Variants in MIS18A observed in about 807,000 individuals in gnomAD.
MIS18A encodes the protein protein Mis18-alpha.
MIS18A carries 14 observed loss-of-function variants against 25.0 expected under a neutral mutation model. The ratio of observed to expected loss-of-function variants is 0.56; its 90% confidence interval spans 0.37 to 0.88. MIS18A has a LOEUF of 0.88. Among genes scored for constraint, MIS18A ranks in the 40% least tolerant of loss-of-function variants. The pLI is 0.00. For synonymous variants in MIS18A, 134 were observed against 118.6 expected (o/e 1.13, Z -0.84); for missense variants, 292 against 290.8 (o/e 1.00, Z -0.03).
At chr21:32,267,616 A>C (rs1164068790), downstream of MIS18A, among the ~76,000 whole-genome samples, 1 of 152,238 alleles carries the variant, frequency 6.6e-6, no homozygotes, top group Non-Finnish European at 1.5e-5. Flanking sequence ...TTTGGAATGG[A>C]ATCTGAAAAT....
chr21:32,253,397 A>AC, the MIS18A span, among the ~76,000 whole-genome samples: 82 of 70,528 alleles, frequency 1.2e-3, no homozygotes, highest in Middle Eastern at 0.039. Flanking sequence ...CCCTCCCCCC[A>AC]CCCCCCATTA....
chr21:32,256,540 G>A, the MIS18A span, among the ~76,000 whole-genome samples: 12 of 152,216 alleles, frequency 7.9e-5, no homozygotes, highest in South Asian at 1.9e-3. Context: ...CTGTCATCCC[G>A]ACTTAATTAT....
At chr21:32,205,750 C>G in the MIS18A span, among the ~76,000 whole-genome samples, 1 of 152,218 alleles carries the variant, frequency 6.6e-6, no homozygotes, top group Non-Finnish European at 1.5e-5. Flanking sequence ...GGTTGGCTGC[C>G]TGAGGGGGTT....
chr21:32,266,761 C>T (rs577042607), downstream of MIS18A, among the ~76,000 whole-genome samples: 6 of 152,136 alleles, frequency 3.9e-5, no homozygotes, highest in African/African-American at 9.6e-5. Context: ...TGCGAGAGTC[C>T]GCGGCTTCAT....
At chr21:32,156,007 A>T in the MIS18A span, among the ~76,000 whole-genome samples, 6 of 152,240 alleles carry the variant, frequency 3.9e-5, no homozygotes. Context: ...ATAAAATTAC[A>T]ATCTGAATTT....
the MIS18A span, among the ~76,000 whole-genome samples, chr21:32,210,731 A>G: frequency 6.6e-6 from 1 of 152,202 alleles, no homozygotes; most frequent in Non-Finnish European, 1.5e-5. Context: ...CAAATAGTGT[A>G]ACCCACTCAT....
At chr21:32,238,295 A>G in the MIS18A span, among the ~76,000 whole-genome samples, 2 of 152,168 alleles carry the variant, frequency 1.3e-5, no homozygotes, top group East Asian at 3.9e-4. Flanking sequence ...ATAACCCCCC[A>G]AATCTCAGTG....
chr21:32,265,748 C>G (rs1195380327), downstream of MIS18A, among the ~76,000 whole-genome samples: 1 of 152,272 alleles, frequency 6.6e-6, no homozygotes, highest in Non-Finnish European at 1.5e-5. Context: ...GGCAGCTCCA[C>G]CTGCAGCCCC....
the MIS18A span, among the ~76,000 whole-genome samples, chr21:32,229,181 C>CA: frequency 6.6e-6 from 1 of 151,882 alleles, no homozygotes; most frequent in African/African-American, 2.4e-5. Flanking sequence ...GGATATATGT[C>CA]AAAAAAACAA....
At chr21:32,216,382 T>C in the MIS18A span, among the ~76,000 whole-genome samples, 1 of 152,214 alleles carries the variant, frequency 6.6e-6, no homozygotes, top group African/African-American at 2.4e-5. Flanking sequence ...TCATTCCACC[T>C]GTCTACTTTC....
the MIS18A span, among the ~76,000 whole-genome samples, chr21:32,220,644 G>A: frequency 1.3e-5 from 2 of 152,060 alleles, no homozygotes; most frequent in African/African-American, 2.4e-5. Context: ...CAAATTGACA[G>A]AAGCAGGCTT....
At chr21:32,228,267 T>C in the MIS18A span, among the ~76,000 whole-genome samples, 2 of 152,192 alleles carry the variant, frequency 1.3e-5, no homozygotes, top group Non-Finnish European at 2.9e-5. Flanking sequence ...TTTTGTATTT[T>C]TAGTTGAGAC....
intron 2 of MIS18A, among the ~76,000 whole-genome samples, chr21:32,273,877 T>C (rs1280724679): frequency 6.6e-6 from 1 of 152,238 alleles, no homozygotes; most frequent in African/African-American, 2.4e-5. Flanking sequence ...AAGTGTAAGA[T>C]ACAGTTTACA....
At chr21:32,221,453 C>T in the MIS18A span, among the ~76,000 whole-genome samples, 2 of 152,114 alleles carry the variant, frequency 1.3e-5, no homozygotes, top group Admixed American at 1.3e-4. Flanking sequence ...CACCACCAGG[C>T]CTGCCTTACC....
rs1163681846 is a variant in MIS18A at position 32,278,705 on chromosome 21, C to T, written c.310G>A (p.Asp104Asn). ...DSLSWVASQE[D>N]TNCILLRCVS... The stretch of plus-strand genomic sequence containing the variant: ...CAGCGAAGCAGGATGCAGTTGGTGT[C>T]CTCCTGGCTGGCCACCCAGCTCAGC... Residue 104 changes from aspartate (D) to asparagine (N), a missense_variant, in exon 1 of 5, where the codon GAC becomes AAC. Transcript: ENST00000290130. The T allele has an allele frequency of 4.4e-6, 7 of 1,573,698 alleles. No homozygotes were observed. The highest frequency in any genetic ancestry group is 6.0e-6 in the Non-Finnish European group (7 of 1,166,592).
At chr21:32,250,448 C>T in the MIS18A span, among the ~76,000 whole-genome samples, 1 of 152,200 alleles carries the variant, frequency 6.6e-6, no homozygotes, top group Non-Finnish European at 1.5e-5. Flanking sequence ...CCCCAATCCA[C>T]GTGACTATGG....
intron 2 of MIS18A, among the ~76,000 whole-genome samples, chr21:32,274,152 A>AC (rs572120705): frequency 1.2e-3 from 171 of 146,264 alleles, no homozygotes; most frequent in African/African-American, 4.1e-3. Flanking sequence ...AGCCTAAGGC[A>AC]CCCTTTAACA....
chr21:32,272,315 C>A (rs1177123764), intron 2 of MIS18A, among the ~76,000 whole-genome samples: 3 of 152,212 alleles, frequency 2.0e-5, no homozygotes, highest in Non-Finnish European at 2.9e-5. Context: ...CTCTTGCTGA[C>A]CATCAGCAGA....
chr21:32,192,867 G>C, the MIS18A span, among the ~76,000 whole-genome samples: 3 of 152,318 alleles, frequency 2.0e-5, no homozygotes, highest in East Asian at 5.8e-4. Context: ...TGTGAGAGCT[G>C]CTTCTAGGAG....
Sources: gnomAD v4.1 joint callset for allele counts (sites outside exome capture counted in the v4.1 genomes callset) on GRCh38, gnomAD v4.1.1 for gene constraint, MANE v1.5 for transcripts, NCBI Gene and HGNC (gene_info 2026-07-23, HGNC 2026-07-21) for gene names.